The following HK1 variants were observed in gnomAD, a reference collection of about 807,000 sequenced individuals.
HK1 encodes the protein hexokinase 1.
In HK1, 28 loss-of-function variants were observed where a neutral mutation model predicts 91.6. The ratio of observed to expected loss-of-function variants is 0.31; its 90% confidence interval spans 0.23 to 0.42. HK1 has a LOEUF of 0.42. Ranked by LOEUF, HK1 falls within the 10% of genes least tolerant of loss-of-function variation. HK1 has a pLI of 1.00. For synonymous variants in HK1, 430 were observed against 468.1 expected (o/e 0.92, Z 1.05); for missense variants, 770 against 1,219.8 (o/e 0.63, Z 5.49).
In HK1 at chr10:69,278,036, A is replaced by AC. The variant is rs1844555822; in HGVS notation, c.-390-4493_-390-4492insC. Among the ~76,000 whole-genome samples the AC allele has an allele frequency of 2.0e-5, 3 of 152,162 alleles. No individual in the cohort carries two copies. In the South Asian group the frequency reaches 6.2e-4, roughly 32 times the overall value. ...CAACAACAGCGAGACTCCGTCTCAA[A>AC]AAAAAAAAAGGTTTGTTTTATAGTG... is the stretch of plus-strand genomic sequence containing the variant. On this transcript the variant is annotated intron_variant, in intron 1 of 21. Transcript: ENST00000360289.
intron 4 of HK1, among the ~76,000 whole-genome samples, chr10:69,296,581 AG>A (rs1332111552): frequency 6.6e-6 from 1 of 152,174 alleles, no homozygotes; most frequent in Non-Finnish European, 1.5e-5. Flanking sequence ...TGGGTGAGGG[AG>A]TGGTCAACCC....
intron 2 of HK1, among the ~76,000 whole-genome samples, chr10:69,283,798 C>CAAAAAAAAAAAAAAAAAAAA (rs571297748): frequency 1.5e-5 from 1 of 67,590 alleles, no homozygotes; most frequent in African/African-American, 6.6e-5. Flanking sequence ...GACTCTGTCT[C>CAAAAAAAAAAAAAAAAAAAA]AAAAAAAAAA....
At chr10:69,361,040 C>CTCT (rs35983460) in intron 3 of HK1, among the ~76,000 whole-genome samples, 4 of 60,390 alleles carry the variant, frequency 6.6e-5, no homozygotes, top group Admixed American at 1.3e-4. Context: ...CAGGAGCCTT[C>CTCT]TCTTGACTCT....
intron 4 of HK1, among the ~76,000 whole-genome samples, chr10:69,298,417 G>A (rs1021947848): frequency 3.3e-5 from 5 of 151,606 alleles, no homozygotes; most frequent in Non-Finnish European, 7.4e-5. Flanking sequence ...CTTGAGGCCA[G>A]GGTCTTGAGA....
chr10:69,383,170 C>T (rs542254555), intron 10 of HK1, among the ~76,000 whole-genome samples: 1 of 151,704 alleles, frequency 6.6e-6, no homozygotes, highest in African/African-American at 2.4e-5. Context: ...GACCCTGTCT[C>T]AAAAAAAATT....
intron 4 of HK1, among the ~76,000 whole-genome samples, chr10:69,298,470 TG>T (rs1845683314): frequency 6.6e-6 from 1 of 151,370 alleles, no homozygotes; most frequent in East Asian, 1.9e-4. Flanking sequence ...TAAAAAAAAT[TG>T]TAAAAATTAG....
intron 3 of HK1, among the ~76,000 whole-genome samples, chr10:69,289,798 T>G (rs1845214826): frequency 6.6e-6 from 1 of 150,898 alleles, no homozygotes; most frequent in Non-Finnish European, 1.5e-5. Context: ...TTTTTTAAAT[T>G]TTAACAGAGA....
intron 16 of HK1, among the ~76,000 whole-genome samples, chr10:69,396,293 G>A (rs199781287): frequency 5.5e-5 from 8 of 146,618 alleles, no homozygotes; most frequent in Non-Finnish European, 6.0e-5. Context: ...AAAAGAGAAA[G>A]AAAAGAAAAA....
chr10:69,398,887 G>C lies in HK1; in HGVS notation c.2609+59G>C, dbSNP rs375131447. 14 of 1,351,300 alleles carry C rather than the reference G, an allele frequency of 1.0e-5. No individual in the cohort carries two copies. The African/African-American group carries it at 1.9e-4, about 18-fold the overall frequency. 83.7% of individuals were successfully genotyped at this position (1,351,300 alleles called of 1,614,324 possible). On this transcript the variant is annotated intron_variant, in intron 17 of 17. Transcript: ENST00000359426. ...TTGCTGGGATCCCTTTGGGTTAGGG[G>C]GTATCAGGGTGTGGTTTACGCTGGG...
intron 1 of HK1, among the ~76,000 whole-genome samples, chr10:69,332,546 C>CT (rs919692453): frequency 6.6e-6 from 1 of 151,538 alleles, no homozygotes; most frequent in Admixed American, 6.6e-5. Context: ...ACCCAGCTAA[C>CT]TTTTTTTTAT....
intron 7 of HK1, among the ~76,000 whole-genome samples, chr10:69,370,171 ACAT>A (rs1423088385): frequency 2.0e-5 from 3 of 152,184 alleles, no homozygotes; most frequent in Non-Finnish European, 2.9e-5. Flanking sequence ...TCCTTGTAAA[ACAT>A]CATGAAAACA....
intron 2 of HK1, among the ~76,000 whole-genome samples, chr10:69,359,077 C>T (rs962440054): frequency 6.6e-6 from 1 of 151,690 alleles, no homozygotes; most frequent in Admixed American, 6.6e-5. Flanking sequence ...GAGTAAAATT[C>T]TGAAAATATG....
intron 1 of HK1, among the ~76,000 whole-genome samples, chr10:69,281,626 C>G (rs1350991423): frequency 1.3e-5 from 2 of 152,188 alleles, no homozygotes; most frequent in African/African-American, 4.8e-5. Flanking sequence ...CAATTTGCAA[C>G]TGTGATTTGT....
chr10:69,374,935 T>G (rs2132844179), intron 7 of HK1, among the ~76,000 whole-genome samples: 1 of 152,204 alleles, frequency 6.6e-6, no homozygotes, highest in Middle Eastern at 3.4e-3. Flanking sequence ...TGGTCCTAGG[T>G]GGCTGCTAGC....
chr10:69,326,665 A>T (rs941374361), intron 1 of HK1, among the ~76,000 whole-genome samples: 1 of 152,208 alleles, frequency 6.6e-6, no homozygotes, highest in African/African-American at 2.4e-5. Flanking sequence ...TATTTGAGGC[A>T]CATAAAAGAA....
intron 4 of HK1, chr10:69,296,354 A>C (rs972125773): frequency 6.5e-6 from 1 of 153,288 alleles, no homozygotes; most frequent in African/African-American, 2.4e-5. Flanking sequence ...GCCATTACCT[A>C]GTCCCAGGTG....
intron 1 of HK1, among the ~76,000 whole-genome samples, chr10:69,272,389 G>A (rs569967472): frequency 4.9e-4 from 75 of 152,264 alleles, no homozygotes; most frequent in Non-Finnish European, 8.5e-4. Context: ...AATGGAGCTG[G>A]CACTTATTTA....
intron 2 of HK1, among the ~76,000 whole-genome samples, chr10:69,353,369 G>A (rs919506714): frequency 4.6e-5 from 7 of 152,132 alleles, no homozygotes; most frequent in African/African-American, 1.7e-4. Context: ...TGGGTGGATC[G>A]CTTGAGCCTA....
intron 1 of HK1, among the ~76,000 whole-genome samples, chr10:69,329,767 G>T (rs1371592618): frequency 6.6e-6 from 1 of 152,044 alleles, no homozygotes; most frequent in Non-Finnish European, 1.5e-5. Context: ...GGTGGAATTG[G>T]CTTGGGATCC....
Sources: gnomAD v4.1 joint callset for allele counts (sites outside exome capture counted in the v4.1 genomes callset) on GRCh38, gnomAD v4.1.1 for gene constraint, MANE v1.5 for transcripts, NCBI Gene and HGNC (gene_info 2026-07-23, HGNC 2026-07-21) for gene names.